The following CNTN5 variants were observed in gnomAD, a reference collection of about 807,000 sequenced individuals.
The protein encoded by CNTN5 is contactin 5, also known as contactin-5.
In CNTN5, 77 loss-of-function variants were observed where a neutral mutation model predicts 129.1. The observed-to-expected ratio is 0.60, with a 90% CI of 0.50 to 0.72. CNTN5 has a LOEUF of 0.72. Ranked by LOEUF, CNTN5 falls within the 30% of genes least tolerant of loss-of-function variation. The pLI is 0.00. For missense variants in CNTN5, 1,478 were observed against 1,328.8 expected, an observed-to-expected ratio of 1.11 and a Z score of -1.75; for synonymous variants, 509 against 465.6, an observed-to-expected ratio of 1.09 and a Z score of -1.20.
At chr11:99,241,614 T>G (rs1861564461) in intron 1 of CNTN5, among the ~76,000 whole-genome samples, 1 of 152,080 alleles carries the variant, frequency 6.6e-6, no homozygotes, top group South Asian at 2.1e-4. Flanking sequence ...TTTTAAACAT[T>G]GGCTGTCCGT....
chr11:99,826,125 G>C (rs192973545), intron 4 of CNTN5, among the ~76,000 whole-genome samples: 2 of 151,988 alleles, frequency 1.3e-5, no homozygotes, highest in African/African-American at 2.4e-5. Flanking sequence ...TCTGGGATAA[G>C]TTCTTATTCC....
At chr11:99,540,109 T>G (rs1591245796) in intron 2 of CNTN5, among the ~76,000 whole-genome samples, 1 of 152,070 alleles carries the variant, frequency 6.6e-6, no homozygotes, top group East Asian at 1.9e-4. Flanking sequence ...ATGTGGCCTT[T>G]TTTGAAGGAT....
chr11:99,505,274 G>A (rs1946575985), intron 2 of CNTN5, among the ~76,000 whole-genome samples: 1 of 152,126 alleles, frequency 6.6e-6, no homozygotes, highest in Admixed American at 6.5e-5. Context: ...AAGACATGCT[G>A]ACACAAAGTA....
chr11:99,814,951 G>C (rs183443951), intron 3 of CNTN5, among the ~76,000 whole-genome samples: 1 of 152,218 alleles, frequency 6.6e-6, no homozygotes, highest in African/African-American at 2.4e-5. Context: ...TGGCAGTAGA[G>C]AGAATTGACT....
intron 1 of CNTN5, among the ~76,000 whole-genome samples, chr11:99,215,438 C>T (rs556615307): frequency 1.3e-5 from 2 of 152,144 alleles, no homozygotes; most frequent in East Asian, 3.9e-4. Flanking sequence ...TAGTAAAGTT[C>T]ATAAGACCTC....
intron 2 of CNTN5, among the ~76,000 whole-genome samples, chr11:99,442,136 G>A (rs554843336): frequency 6.6e-6 from 1 of 152,076 alleles, no homozygotes; most frequent in Non-Finnish European, 1.5e-5. Context: ...TCCATGGAAA[G>A]TACTGGACTC....
intron 1 of CNTN5, among the ~76,000 whole-genome samples, chr11:99,292,528 G>A (rs1471958482): frequency 6.6e-6 from 1 of 152,072 alleles, no homozygotes; most frequent in Non-Finnish European, 1.5e-5. Flanking sequence ...TGGTGAAAGT[G>A]GGCATCCTTG....
Position 99,798,574 on chromosome 11 carries a change from A to G in CNTN5, c.56-20970A>G, listed in dbSNP as rs148913950. Among the ~76,000 whole-genome samples the G allele has an allele frequency of 6.7e-3, 1,026 of 152,064 alleles. 6 individuals are homozygous for G. Among genetic ancestry groups the G allele is most frequent in the Non-Finnish European group, 7.5e-3 (507 of 67,962 alleles). On this transcript the variant is annotated intron_variant, in intron 3 of 24. Coordinates refer to ENST00000524871, the MANE Select transcript of CNTN5 (RefSeq NM_014361.4). Reference sequence around the variant, plus strand: ...TGACTTTGTTGAAGATTAGATGGCTATGGGTATTTGGTGTTATTTCTGGGC... The same window carrying G: ...TGACTTTGTTGAAGATTAGATGGCTGTGGGTATTTGGTGTTATTTCTGGGC...
intron 1 of CNTN5, among the ~76,000 whole-genome samples, chr11:99,284,653 GTGTGTGT>G (rs1863854712): frequency 3.2e-4 from 37 of 113,976 alleles, no homozygotes; most frequent in African/African-American, 1.1e-3. Flanking sequence ...GTGTGTGTGT[GTGTGTGT>G]GGTGTGTGTA....
chr11:99,844,050 A>G (rs1947601518), intron 4 of CNTN5, among the ~76,000 whole-genome samples: 1 of 152,156 alleles, frequency 6.6e-6, no homozygotes, highest in Admixed American at 6.5e-5. Context: ...GTCCATTTTT[A>G]GTTTCACTTT....
At chr11:99,844,328 C>A (rs1195611191) in intron 4 of CNTN5, among the ~76,000 whole-genome samples, 6 of 152,090 alleles carry the variant, frequency 3.9e-5, no homozygotes, top group African/African-American at 1.4e-4. Flanking sequence ...ATGCATGTTA[C>A]ATCATTTTTT....
At chr11:99,171,280 A>G (rs1484614410) in intron 1 of CNTN5, among the ~76,000 whole-genome samples, 7 of 152,170 alleles carry the variant, frequency 4.6e-5, no homozygotes, top group Non-Finnish European at 7.4e-5. Flanking sequence ...CACACACAAA[A>G]TTTGCATAGA....
intron 2 of CNTN5, among the ~76,000 whole-genome samples, chr11:99,429,994 A>T (rs546433224): frequency 6.6e-6 from 1 of 152,262 alleles, no homozygotes; most frequent in Admixed American, 6.5e-5. Context: ...AAGAATATCA[A>T]GTAACTAAAT....
At chr11:99,789,272 A>G (rs1945652262) in intron 3 of CNTN5, among the ~76,000 whole-genome samples, 1 of 151,970 alleles carries the variant, frequency 6.6e-6, no homozygotes, top group Admixed American at 6.6e-5. Context: ...TTTTCTCAAT[A>G]TTCAGAACAG....
intron 7 of CNTN5, among the ~76,000 whole-genome samples, chr11:99,944,133 A>G (rs574385476): frequency 6.6e-6 from 1 of 152,060 alleles, no homozygotes; most frequent in Non-Finnish European, 1.5e-5. Context: ...TTCAGGCAGT[A>G]TGGTCATTTT....
chr11:99,091,537 A>G (rs886094201), intron 1 of CNTN5, among the ~76,000 whole-genome samples: 14 of 152,208 alleles, frequency 9.2e-5, no homozygotes, highest in African/African-American at 3.1e-4. Context: ...TCCAGAGTAG[A>G]GACCACCACT....
chr11:99,952,313 T>A (rs1950695803), intron 7 of CNTN5, among the ~76,000 whole-genome samples: 1 of 152,188 alleles, frequency 6.6e-6, no homozygotes, highest in African/African-American at 2.4e-5. Flanking sequence ...GTTATCCTAT[T>A]TAAGTGTCTT....
At chr11:100,308,920 A>C (rs1336620074) in intron 21 of CNTN5, 39 of 983,168 alleles carry the variant, frequency 4.0e-5, no homozygotes, top group Non-Finnish European at 4.7e-5. Context: ...GTATTCAGAT[A>C]GTTTTTTTGG....
At chr11:99,195,251 A>G (rs1013516630) in intron 1 of CNTN5, among the ~76,000 whole-genome samples, 1 of 152,162 alleles carries the variant, frequency 6.6e-6, no homozygotes, top group Non-Finnish European at 1.5e-5. Context: ...ACATTTACCC[A>G]TGCCCCTATT....
Sources: allele counts gnomAD v4.1 joint callset (sites outside exome capture counted in the v4.1 genomes callset), GRCh38; gene constraint gnomAD v4.1.1; transcripts MANE v1.5; gene names NCBI Gene and HGNC (gene_info 2026-07-23, HGNC 2026-07-21).